The following TACR1 variants were observed in gnomAD, a reference collection of about 807,000 sequenced individuals.
TACR1 encodes the protein substance-P receptor.
In TACR1, 25 loss-of-function variants were observed where a neutral mutation model predicts 35.8. The observed-to-expected ratio is 0.70, with a 90% CI of 0.51 to 0.98. The LOEUF (loss-of-function observed/expected upper bound fraction) is 0.98. Ranked by LOEUF, TACR1 falls within the 50% of genes least tolerant of loss-of-function variation. The pLI is 0.00. For synonymous variants in TACR1, 195 were observed against 206.7 expected, an observed-to-expected ratio of 0.94 and a Z score of 0.48; for missense variants, 478 against 522.9, an observed-to-expected ratio of 0.91 and a Z score of 0.84.
intron 1 of TACR1, chr2:75,188,850 GA>G (rs1205291308): frequency 1.3e-5 from 2 of 152,148 alleles, no homozygotes; most frequent in African/African-American, 4.8e-5. Flanking sequence ...ACCATACTAA[GA>G]GCCTGGCTTT....
intron 2 of TACR1, among the ~76,000 whole-genome samples, chr2:75,088,952 G>A (rs1673240647): frequency 6.6e-6 from 1 of 152,090 alleles, no homozygotes; most frequent in African/African-American, 2.4e-5. Flanking sequence ...CCACCCTCCT[G>A]TGAGTTTGAC....
chr2:75,196,219 G>C (rs1675969436), intron 1 of TACR1, among the ~76,000 whole-genome samples: 1 of 152,216 alleles, frequency 6.6e-6, no homozygotes, highest in African/African-American at 2.4e-5. Flanking sequence ...TAACTTACAG[G>C]GAGAGGACTT....
chr2:75,138,766 A>ATTCATTCAT (rs71948771), intron 1 of TACR1, among the ~76,000 whole-genome samples: 31 of 149,064 alleles, frequency 2.1e-4, no homozygotes, highest in Non-Finnish European at 3.8e-4. Context: ...TACTCATTCA[A>ATTCATTCAT]TCATTCATTC....
intron 2 of TACR1, among the ~76,000 whole-genome samples, chr2:75,060,049 C>T (rs546032462): frequency 2.6e-5 from 4 of 152,312 alleles, no homozygotes; most frequent in South Asian, 2.1e-4. Flanking sequence ...ACTGGTTAAT[C>T]GATAAATTCA....
chr2:75,191,041 C>G (rs1223583493), intron 1 of TACR1, among the ~76,000 whole-genome samples: 4 of 152,128 alleles, frequency 2.6e-5, no homozygotes, highest in African/African-American at 9.7e-5. Context: ...TCGTATGTCT[C>G]CAGGTCATCA....
At chr2:75,097,390 T>TC (rs398104442) in intron 2 of TACR1, among the ~76,000 whole-genome samples, 2 of 152,052 alleles carry the variant, frequency 1.3e-5, no homozygotes, top group African/African-American at 2.4e-5. Flanking sequence ...TTTTTTTTTT[T>TC]CCTACTGTAG....
chr2:75,082,141 A>G (rs1011886898), intron 2 of TACR1, among the ~76,000 whole-genome samples: 1 of 151,898 alleles, frequency 6.6e-6, no homozygotes, highest in African/African-American at 2.4e-5. Flanking sequence ...TCATTGTTCA[A>G]TTCCCATCTA....
At chr2:75,113,610 T>G (rs1673797217) in intron 2 of TACR1, among the ~76,000 whole-genome samples, 1 of 150,584 alleles carries the variant, frequency 6.6e-6, no homozygotes. Flanking sequence ...CATGTGTTTA[T>G]GCTAGCATCT....
At chr2:75,190,397 G>C (rs1675813952) in intron 1 of TACR1, among the ~76,000 whole-genome samples, 2 of 152,196 alleles carry the variant, frequency 1.3e-5, no homozygotes, top group South Asian at 4.1e-4. Flanking sequence ...ATGTTGAAAA[G>C]CATTTAGCAA....
chr2:75,126,248 G>A (rs1013226794), intron 1 of TACR1, among the ~76,000 whole-genome samples: 1 of 152,146 alleles, frequency 6.6e-6, no homozygotes, highest in South Asian at 2.1e-4. Flanking sequence ...TAAAATACAC[G>A]ATTTCATTCT....
intron 1 of TACR1, among the ~76,000 whole-genome samples, chr2:75,185,640 C>T (rs1675674992): frequency 6.6e-6 from 1 of 152,064 alleles, no homozygotes; most frequent in South Asian, 2.1e-4. Context: ...ACATTTTAAT[C>T]TTTTAAATTG....
intron 1 of TACR1, among the ~76,000 whole-genome samples, chr2:75,172,057 T>C (rs1675299583): frequency 6.6e-6 from 1 of 152,254 alleles, no homozygotes; most frequent in Non-Finnish European, 1.5e-5. Context: ...GACTAATGCA[T>C]GCAGATATTT....
chr2:75,154,488 C>CCACACACACACACACACATACA (rs1553380979), intron 1 of TACR1: 1 of 53,542 alleles, frequency 1.9e-5, no homozygotes, highest in African/African-American at 7.4e-5. Flanking sequence ...CACTAACCCA[C>CCACACACACACACACACATACA]CACACACACA....
At chr2:75,164,987 A>T (rs954595099) in intron 1 of TACR1, among the ~76,000 whole-genome samples, 1 of 152,226 alleles carries the variant, frequency 6.6e-6, no homozygotes, top group African/African-American at 2.4e-5. Flanking sequence ...TTTATGATTC[A>T]TCCTATTGTA....
At chr2:75,119,398 T>C (rs1419709343) in intron 2 of TACR1, among the ~76,000 whole-genome samples, 1 of 152,182 alleles carries the variant, frequency 6.6e-6, no homozygotes, top group Non-Finnish European at 1.5e-5. Context: ...TAATTAAAAT[T>C]CAGATCTTTT....
At chr2:75,050,990 A>T in intron 4 of TACR1, 1 of 498,244 alleles carries the variant, frequency 2.0e-6, no homozygotes. Flanking sequence ...GCCAGTATTT[A>T]TGAATCAGAA....
chr2:75,181,494 A>T (rs1385467823), intron 1 of TACR1, among the ~76,000 whole-genome samples: 1 of 152,226 alleles, frequency 6.6e-6, no homozygotes. Flanking sequence ...ATTATTTTTA[A>T]AAACCATAGT....
chr2:75,050,945 A>G (rs1399863662), intron 4 of TACR1: 1 of 402,042 alleles, frequency 2.5e-6, no homozygotes, highest in Non-Finnish European at 4.7e-6. Flanking sequence ...CCTTACATGC[A>G]TTAACCACAG....
intron 2 of TACR1, among the ~76,000 whole-genome samples, chr2:75,065,803 G>T (rs911265148): frequency 6.6e-6 from 1 of 152,176 alleles, no homozygotes; most frequent in Non-Finnish European, 1.5e-5. Context: ...CATAAATGTG[G>T]GTGTTGGTTG....
Sources: allele counts gnomAD v4.1 joint callset (sites outside exome capture counted in the v4.1 genomes callset), GRCh38; gene constraint gnomAD v4.1.1; transcripts MANE v1.5; gene names NCBI Gene and HGNC (gene_info 2026-07-23, HGNC 2026-07-21).